FAM111A: variants seen among roughly 807,000 people sequenced by gnomAD.
FAM111A encodes serine protease FAM111A.
A neutral mutation model predicts 3.3 loss-of-function variants in FAM111A; 8 were observed. That is an observed-to-expected ratio of 2.39 (90% confidence interval 1.40 to 4.32). The LOEUF (loss-of-function observed/expected upper bound fraction) is 4.32. FAM111A is among the 30% of genes most tolerant of loss of function. The pLI is 0.00. For synonymous variants in FAM111A, 227 were observed against 243.1 expected (o/e 0.93, Z 0.62); for missense variants, 683 against 727.6 (o/e 0.94, Z 0.71).
In FAM111A at chr11:59,153,377, G is replaced by A. The variant is rs1281643988; in HGVS notation, c.1709G>A (p.Ser570Asn). ...FAYTYQNETRSIIEFGSTMES... is the reference protein window; with the variant it reads ...FAYTYQNETRNIIEFGSTMES... ...TATACTTACCAAAATGAGACTCGTAGTATCATTGAGTTTGGCTCTACCATG... is the reference window on the plus strand; with the variant it reads ...TATACTTACCAAAATGAGACTCGTAATATCATTGAGTTTGGCTCTACCATG... Residue 570 changes from serine to asparagine, a missense_variant, in exon 6 of 6, where the codon AGT becomes AAT. By Grantham distance (46) the Ser-to-Asn change is conservative. Coordinates refer to ENST00000675163, the MANE Select transcript of FAM111A (RefSeq NM_001312909.2). The A allele has an allele frequency of 3.1e-6, 5 of 1,614,166 alleles. No individual in the cohort carries two copies. The East Asian group carries it at 1.1e-4, about 36-fold the overall frequency.
In FAM111A at chr11:59,154,766, T is replaced by A. The variant is rs915498322; in HGVS notation, c.*1262T>A. On this transcript the variant is annotated 3_prime_UTR_variant, in exon 6 of 6. Coordinates refer to ENST00000675163, the MANE Select transcript of FAM111A (RefSeq NM_001312909.2). ...TCATCTTGAAGAGCAGCTGGCATGATGACTGCTGTTTGACTCCTGCATACC... is the reference window on the plus strand; with the variant it reads ...TCATCTTGAAGAGCAGCTGGCATGAAGACTGCTGTTTGACTCCTGCATACC... The A allele has an allele frequency of 1.3e-5, 2 of 152,798 alleles. No individual in the cohort carries two copies. The highest frequency in any genetic ancestry group is 2.9e-5 in the Non-Finnish European group (2 of 68,036). The allele number at this position is 152,798 out of a possible 1,614,324, so 9.5% of individuals were successfully genotyped here. A position where few individuals can be genotyped will look rare whatever the true frequency, so the allele number is the denominator to read the frequency against.
At position 59,143,125 on chromosome 11, in the gene FAM111A, G is replaced by C. The variant is rs1272383486; in HGVS notation, c.-485G>C. The C allele has an allele frequency of 6.6e-6, 1 of 152,340 alleles. No homozygotes were observed. Among genetic ancestry groups the C allele is most frequent in the Admixed American group, 6.5e-5 (1 of 15,292 alleles). 9.4% of individuals were successfully genotyped at this position (152,340 alleles called of 1,614,324 possible). ...AATCGGCTTCCGAAGTAGGTGAGTT[G>C]CTGCCTGAAGAGAAAAGACAAACTC... On this transcript the variant is annotated 5_prime_UTR_variant, in exon 2 of 6. Coordinates refer to ENST00000675163, the MANE Select transcript of FAM111A (RefSeq NM_001312909.2).
rs997193221 is a variant in FAM111A at position 59,154,100 on chromosome 11, T to G, written c.*596T>G. 4 of 152,164 alleles carry G rather than the reference T, an allele frequency of 2.6e-5. No homozygotes were observed. Among genetic ancestry groups the G allele is most frequent in the Admixed American group, 2.0e-4 (3 of 15,284 alleles). 9.4% of individuals were successfully genotyped at this position (152,164 alleles called of 1,614,324 possible). A position where few individuals can be genotyped will look rare whatever the true frequency, so the allele number is the denominator to read the frequency against. On this transcript the variant is annotated 3_prime_UTR_variant, in exon 6 of 6. Coordinates refer to ENST00000675163, the MANE Select transcript of FAM111A (RefSeq NM_001312909.2). ...CATGACACTAAAAGTCATATAGTCA[T>G]AGGGTTTTTTCATCTTTCATATCTT...
At chr11:59,147,355 C>G (rs1434813650) in intron 4 of FAM111A, among the ~76,000 whole-genome samples, 1 of 152,166 alleles carries the variant, frequency 6.6e-6, no homozygotes. Context: ...CTGAAGAGAA[C>G]AGATAAGTTG....
At chr11:59,149,264 A>G (rs531657976) in intron 5 of FAM111A, 1 of 240,792 alleles carries the variant, frequency 4.2e-6, no homozygotes, top group East Asian at 1.0e-4. Flanking sequence ...TTCCCAAAAT[A>G]TTTTCAATCT....
intron 5 of FAM111A, 135 bp from the exon 6 acceptor site, chr11:59,151,615 T>G: frequency 1.5e-6 from 1 of 671,072 alleles, no homozygotes; most frequent in East Asian, 2.6e-5. Context: ...CAAACACTGA[T>G]TTAATATTAT....
chr11:59,145,914 G>T (rs993329195), intron 4 of FAM111A, 58 bp downstream of exon 4: 1 of 151,454 alleles, frequency 6.6e-6, no homozygotes, highest in Admixed American at 6.6e-5. Context: ...ATTTACTGGG[G>T]GACCTATTAC....
Position 59,153,274 on chromosome 11 carries a change from T to G in FAM111A, c.1606T>G (p.Phe536Val). The change falls in exon 6 of 6, where the codon TTT (phenylalanine) becomes GTT (valine). Residue 536 changes from phenylalanine (F) to valine (V), a missense_variant. Phe to Val is a conservative substitution (Grantham distance 50, BLOSUM62 -1). This residue lies in a region of FAM111A where 122 missense variants were observed against 110.9 expected (regional missense o/e 1.10). Transcript: ENST00000675163. ...NPDVITYDTEFFFGASGSPVF... is the reference protein window; with the variant it reads ...NPDVITYDTEVFFGASGSPVF... ...TGATGTGATTACCTATGACACTGAA[T>G]TTTTCTTTGGGGCTTCCGGCTCCCC... 1 of 1,614,148 alleles carries G rather than the reference T, an allele frequency of 6.2e-7. No individual in the cohort carries two copies. Among genetic ancestry groups the G allele is most frequent in the Non-Finnish European group, 8.5e-7 (1 of 1,180,026 alleles).
chr11:59,144,603 T>G (rs1860576113), intron 3 of FAM111A: 1 of 152,212 alleles, frequency 6.6e-6, no homozygotes, highest in Admixed American at 6.5e-5. Flanking sequence ...ATTAGGAAAT[T>G]CAGAAAGTTT....
Position 59,151,885 on chromosome 11 carries a change from C to G in FAM111A, c.217C>G (p.Pro73Ala). Residue 73 changes from proline to alanine, a missense_variant, in exon 6 of 6, where the codon CCC (proline) becomes GCC (alanine). Coordinates refer to ENST00000675163, the MANE Select transcript of FAM111A (RefSeq NM_001312909.2). Reference protein sequence around the residue: ...PKKNPEDQTMPQNRTIYVTLK... With the variant: ...PKKNPEDQTMAQNRTIYVTLK... Reference sequence around the variant, plus strand: ...GAAAAATCCAGAAGACCAGACCATGCCCCAAAATAGGACAATATATGTTAC... The same window carrying G: ...GAAAAATCCAGAAGACCAGACCATGGCCCAAAATAGGACAATATATGTTAC... 4 of 1,614,114 alleles carry G rather than the reference C, an allele frequency of 2.5e-6. No individual in the cohort carries two copies. In the South Asian group the frequency reaches 3.3e-5, roughly 13 times the overall value.
Position 59,152,398 on chromosome 11 carries a change from G to T in FAM111A, c.730G>T (p.Glu244Ter). ...GGAGAATGATGATTGGAAACTCATT[G>T]AAAACAATGACACCATTTTAGAAAG... ...FLENDDWKLIENNDTILESTQ... is the reference protein window; with the variant it reads ...FLENDDWKLI Residue 244 changes from glutamate to a stop codon, truncating the protein, a stop_gained, in exon 6 of 6, where the codon GAA (glutamate) becomes TAA (stop). Coordinates refer to ENST00000675163, the MANE Select transcript of FAM111A (RefSeq NM_001312909.2). LOFTEE classifies it low-confidence loss of function (END_TRUNC). 6.2e-7 allele frequency: 1 copy of T among 1,614,112 alleles called. No homozygotes were observed. The highest frequency in any genetic ancestry group is 8.5e-7 in the Non-Finnish European group (1 of 1,180,000).
chr11:59,152,958 G>C lies in FAM111A; in HGVS notation c.1290G>C (p.Trp430Cys). ...KETNYFFVEP[W>C]FEIHNEELDY... Reference sequence around the variant, plus strand: ...CAAACTACTTTTTTGTTGAACCTTGGTTTGAGATACATAATGAAGAGCTTG... The same window carrying C: ...CAAACTACTTTTTTGTTGAACCTTGCTTTGAGATACATAATGAAGAGCTTG... Residue 430 changes from tryptophan (W) to cysteine (C), a missense_variant, in exon 6 of 6, where the codon TGG becomes TGC. By Grantham distance (215) the Trp-to-Cys change is radical. Transcript: ENST00000675163. The C allele has an allele frequency of 6.2e-7, 1 of 1,614,086 alleles. No individual in the cohort carries two copies. The highest frequency in any genetic ancestry group is 1.3e-5 in the African/African-American group (1 of 75,022).
chr11:59,151,664 G>A (rs948886306), intron 5 of FAM111A, 86 bp from the exon 6 acceptor site: 1 of 991,084 alleles, frequency 1.0e-6, no homozygotes, highest in Non-Finnish European at 1.5e-6. Flanking sequence ...TTTCTCATAG[G>A]AATTTTGTGA....
intron 4 of FAM111A, 174 bp from the exon 5 acceptor site, chr11:59,148,623 C>G (rs1861246111): frequency 2.3e-6 from 1 of 437,330 alleles, no homozygotes; most frequent in South Asian, 4.2e-5. Flanking sequence ...TCATGAAGTG[C>G]CTGACACGCA....
chr11:59,147,417 T>A (rs560801481), intron 4 of FAM111A, among the ~76,000 whole-genome samples: 1 of 152,354 alleles, frequency 6.6e-6, no homozygotes, highest in African/African-American at 2.4e-5. Context: ...GTTGTTTAGC[T>A]TATGTTCTAG....
intron 3 of FAM111A, chr11:59,145,320 A>T (rs1417303051): frequency 2.0e-5 from 3 of 152,290 alleles, no homozygotes; most frequent in Non-Finnish European, 4.4e-5. Flanking sequence ...AGATTGAGAG[A>T]CAGAGAAATT....
rs532657930 is a variant in FAM111A, at chr11:59,143,218, C to G, written c.-392C>G. ...TGAGTTCTGTTCTCCAACCAAAGTGCTGGATTCCAAGGGACTGGAAGGGAA... is the reference window on the plus strand; with the variant it reads ...TGAGTTCTGTTCTCCAACCAAAGTGGTGGATTCCAAGGGACTGGAAGGGAA... On this transcript the variant is annotated 5_prime_UTR_variant, in exon 2 of 6. Transcript: ENST00000675163. The G allele has an allele frequency of 6.6e-6, 1 of 152,388 alleles. No homozygotes were observed. Among genetic ancestry groups the G allele is most frequent in the South Asian group, 2.1e-4 (1 of 4,830 alleles). 9.4% of individuals were successfully genotyped at this position (152,388 alleles called of 1,614,324 possible).
Position 59,153,513 on chromosome 11 carries a change from T to C in FAM111A, c.*9T>C, listed in dbSNP as rs1382571595. ...GTGATGAGGACTTGTGAGAATTCAG[T>C]CTACTGGATTTAAGGGAATGGCTTA... is the stretch of plus-strand genomic sequence containing the variant. On this transcript the variant is annotated 3_prime_UTR_variant, in exon 6 of 6. Coordinates refer to ENST00000675163, the MANE Select transcript of FAM111A (RefSeq NM_001312909.2). 3 of 1,580,626 alleles carry C rather than the reference T, an allele frequency of 1.9e-6. No individual in the cohort carries two copies. Among genetic ancestry groups the C allele is most frequent in the Non-Finnish European group, 2.6e-6 (3 of 1,163,658 alleles).
chr11:59,150,042 A>G (rs1191345836), intron 5 of FAM111A, among the ~76,000 whole-genome samples: 1 of 152,228 alleles, frequency 6.6e-6, no homozygotes, highest in Non-Finnish European at 1.5e-5. Flanking sequence ...CCAAGTATCT[A>G]AAAAGTCTAA....
Sources: allele counts gnomAD v4.1 joint callset (sites outside exome capture counted in the v4.1 genomes callset), GRCh38; gene constraint gnomAD v4.1.1; regional missense constraint gnomAD v4.1.1; transcripts MANE v1.5; gene names NCBI Gene and HGNC (gene_info 2026-07-23, HGNC 2026-07-21).